Variants in ARHGAP18 observed in about 807,000 individuals in gnomAD.
The protein encoded by ARHGAP18 is Rho GTPase activating protein 18.
ARHGAP18 carries 67 observed loss-of-function variants against 86.2 expected under a neutral mutation model. The ratio of observed to expected loss-of-function variants is 0.78; its 90% CI spans 0.64 to 0.95. The LOEUF (loss-of-function observed/expected upper bound fraction) is 0.95, where lower values mean the gene tolerates loss of function less well. Among genes scored for constraint, ARHGAP18 ranks in the 40% least tolerant of loss-of-function variants. The pLI is 0.00. For missense variants in ARHGAP18, 691 were observed against 780.4 expected, an observed-to-expected ratio of 0.89 and a Z score of 1.37; for synonymous variants, 283 against 280.4, an observed-to-expected ratio of 1.01 and a Z score of -0.09.
At chr6:129,666,530 T>C (rs1774041080) in intron 1 of ARHGAP18, among the ~76,000 whole-genome samples, 1 of 152,174 alleles carries the variant, frequency 6.6e-6, no homozygotes. Context: ...ACCTACTAGT[T>C]GCTCATGCTA....
intron 1 of ARHGAP18, among the ~76,000 whole-genome samples, chr6:129,669,679 G>A (rs940163797): frequency 2.0e-5 from 3 of 151,674 alleles, no homozygotes; most frequent in African/African-American, 7.2e-5. Context: ...CAGATACTTG[G>A]GAGGCTGAGG....
intron 1 of ARHGAP18, among the ~76,000 whole-genome samples, chr6:129,706,996 G>A (rs537005365): frequency 7.9e-5 from 12 of 151,848 alleles, no homozygotes; most frequent in African/African-American, 2.9e-4. Flanking sequence ...GGGGGCCAAG[G>A]TGGGCAGATC....
At chr6:129,678,656 A>G (rs1273446697) in intron 1 of ARHGAP18, among the ~76,000 whole-genome samples, 1 of 152,220 alleles carries the variant, frequency 6.6e-6, no homozygotes, top group African/African-American at 2.4e-5. Flanking sequence ...ACAAACAAAC[A>G]AAAAATACGT....
intron 1 of ARHGAP18, among the ~76,000 whole-genome samples, chr6:129,657,835 G>C (rs1388893211): frequency 6.6e-6 from 1 of 152,150 alleles, no homozygotes. Flanking sequence ...ATAAGCGATG[G>C]AGTATGCATG....
At position 129,624,423 on chromosome 6, in the gene ARHGAP18, G is replaced by A. The variant is rs558451969; in HGVS notation, c.786+4930C>T. ...CATGTGCCTGCAATCCCTGCTACTC[G>A]GGAGGCTGAGGCAGGAGACTCACTT... On this transcript the variant is annotated intron_variant, in intron 5 of 14. Coordinates refer to ENST00000368149, the MANE Select transcript of ARHGAP18 (RefSeq NM_033515.3). 2.8e-4 allele frequency among the ~76,000 whole-genome samples: 42 copies of A among 152,174 alleles called. 1 individual carries two copies. The South Asian group carries it at 6.8e-3, about 25-fold the overall frequency.
Position 129,592,523 on chromosome 6 carries a change from A to C in ARHGAP18, c.1713+6693T>G, listed in dbSNP as rs111568377. Among the ~76,000 whole-genome samples, 743 of 152,288 alleles carry C rather than the reference A, an allele frequency of 4.9e-3. 5 individuals carry two copies. Among genetic ancestry groups the C allele is most frequent in the African/African-American group, 0.014 (563 of 41,548 alleles). ...CTAAAGCTTGAGTTCCTCCCTGGTAAATTAAGGGTGTGATACTAGCATGTC... is the reference window on the plus strand; with the variant it reads ...CTAAAGCTTGAGTTCCTCCCTGGTACATTAAGGGTGTGATACTAGCATGTC... On this transcript the variant is annotated intron_variant, in intron 12 of 14. Coordinates refer to ENST00000368149, the MANE Select transcript of ARHGAP18 (RefSeq NM_033515.3).
chr6:129,627,189 G>A (rs908732675), intron 5 of ARHGAP18, among the ~76,000 whole-genome samples: 4 of 151,918 alleles, frequency 2.6e-5, no homozygotes, highest in African/African-American at 9.7e-5. Context: ...AACATTAATT[G>A]GTCACAGGTG....
rs1788178575 is a variant in ARHGAP18 at position 129,576,501 on chromosome 6, A to G, written c.*2012T>C. 6.6e-6 allele frequency: 1 copy of G among 152,174 alleles called. No homozygotes were observed. Among genetic ancestry groups the G allele is most frequent in the African/African-American group, 2.4e-5 (1 of 41,454 alleles). 9.4% of individuals were successfully genotyped at this position (152,174 alleles called of 1,614,324 possible). ...TTTTTAAAGTCCATATTTTTTTGTT[A>G]TTTAAACGTGATATTATTCAACATT... On this transcript the variant is annotated 3_prime_UTR_variant, in exon 15 of 15. Coordinates refer to ENST00000368149, the MANE Select transcript of ARHGAP18 (RefSeq NM_033515.3).
Position 129,689,937 on chromosome 6 carries a change from T to C in ARHGAP18, c.113+20087A>G, listed in dbSNP as rs1179160068. 2.0e-5 allele frequency among the ~76,000 whole-genome samples: 3 copies of C among 152,336 alleles called. No individual in the cohort carries two copies. The East Asian group carries it at 5.8e-4, about 29-fold the overall frequency. On this transcript the variant is annotated intron_variant, in intron 1 of 14. Coordinates refer to ENST00000368149, the MANE Select transcript of ARHGAP18 (RefSeq NM_033515.3). ...CCAAAACTACAAAGAGGTTTGGCCA[T>C]GTAAGTAAACTTGTCATCTAATTTC... is the stretch of plus-strand genomic sequence containing the variant.
At chr6:129,671,100 T>C (rs988587960) in intron 1 of ARHGAP18, among the ~76,000 whole-genome samples, 2 of 152,228 alleles carry the variant, frequency 1.3e-5, no homozygotes, top group South Asian at 2.1e-4. Context: ...CTAATACCTA[T>C]TTTATAATCT....
intron 5 of ARHGAP18, among the ~76,000 whole-genome samples, chr6:129,623,907 T>C (rs1288715043): frequency 2.6e-5 from 4 of 152,210 alleles, no homozygotes; most frequent in Non-Finnish European, 4.4e-5. Context: ...ACAGGAAAAC[T>C]GATCTTGAGC....
chr6:129,605,228 C>T (rs1788828327), intron 10 of ARHGAP18, among the ~76,000 whole-genome samples: 1 of 152,054 alleles, frequency 6.6e-6, no homozygotes, highest in African/African-American at 2.4e-5. Flanking sequence ...GTGGCACAAT[C>T]CCTGATTATA....
chr6:129,663,731 C>T (rs1472674140), intron 1 of ARHGAP18, among the ~76,000 whole-genome samples: 1 of 152,222 alleles, frequency 6.6e-6, no homozygotes, highest in Non-Finnish European at 1.5e-5. Flanking sequence ...ACTCTGTGAA[C>T]TTTGACAGTC....
chr6:129,581,324 C>T (rs1788284853), intron 13 of ARHGAP18, among the ~76,000 whole-genome samples: 1 of 152,210 alleles, frequency 6.6e-6, no homozygotes, highest in Non-Finnish European at 1.5e-5. Context: ...GGCCCTCACG[C>T]TATGTTCCAC....
At chr6:129,697,572 A>T (rs1774641699) in intron 1 of ARHGAP18, among the ~76,000 whole-genome samples, 1 of 152,046 alleles carries the variant, frequency 6.6e-6, no homozygotes, top group Non-Finnish European at 1.5e-5. Context: ...GCCTCTATTG[A>T]TTCTTCTGTA....
Position 129,608,178 on chromosome 6 carries a change from C to T in ARHGAP18, c.1123-126G>A, listed in dbSNP as rs192952910. ...TGCTCTTTAGACAAGACAAATCAGA[C>T]TACCAAAAGTCAATATTTCTTTTAC... On this transcript the variant is annotated intron_variant, in intron 8 of 14. Coordinates refer to ENST00000368149, the MANE Select transcript of ARHGAP18 (RefSeq NM_033515.3). 155 of 1,120,686 alleles carry T rather than the reference C, an allele frequency of 1.4e-4. 1 individual carries two copies. The Middle Eastern group carries it at 2.2e-3, about 16-fold the overall frequency. 69.4% of individuals were successfully genotyped at this position (1,120,686 alleles called of 1,614,324 possible). A position where few individuals can be genotyped will look rare whatever the true frequency, so the allele number is the denominator to read the frequency against.
intron 3 of ARHGAP18, among the ~76,000 whole-genome samples, chr6:129,638,001 G>A (rs1584076578): frequency 6.6e-6 from 1 of 152,126 alleles, no homozygotes; most frequent in African/African-American, 2.4e-5. Flanking sequence ...CCAGTCTAGG[G>A]AAAAATCAAA....
At chr6:129,629,276 T>C in intron 5 of ARHGAP18, 77 bp downstream of exon 5, 2 of 1,203,956 alleles carry the variant, frequency 1.7e-6, no homozygotes, top group Non-Finnish European at 2.3e-6. Flanking sequence ...TGTGTGCGTG[T>C]GTGTGTATGT....
chr6:129,606,056 A>T, intron 9 of ARHGAP18, 97 bp from the exon 10 acceptor site: 1 of 1,132,624 alleles, frequency 8.8e-7, no homozygotes, highest in South Asian at 1.3e-5. Context: ...ATTTGGCATA[A>T]ACATGACTGT....
Sources: gnomAD v4.1 joint callset for allele counts (sites outside exome capture counted in the v4.1 genomes callset) on GRCh38, gnomAD v4.1.1 for gene constraint, MANE v1.5 for transcripts, NCBI Gene and HGNC (gene_info 2026-07-23, HGNC 2026-07-21) for gene names.